The following CNTN5 variants were observed in gnomAD, a reference collection of about 807,000 sequenced individuals.
CNTN5 encodes contactin-5.
A neutral mutation model predicts 129.1 loss-of-function variants in CNTN5; 77 were observed. That is an observed-to-expected ratio of 0.60 (90% CI 0.50 to 0.72). CNTN5 has a LOEUF of 0.72. Ranked by LOEUF, CNTN5 falls within the 30% of genes least tolerant of loss-of-function variation. The pLI, the probability that CNTN5 is intolerant of heterozygous loss-of-function variation, is 0.00. For missense variants in CNTN5, 1,478 were observed against 1,328.8 expected, an observed-to-expected ratio of 1.11 and a Z score of -1.75; for synonymous variants, 509 against 465.6, an observed-to-expected ratio of 1.09 and a Z score of -1.20.
chr11:99,156,910 T>C (rs1038278263), intron 1 of CNTN5, among the ~76,000 whole-genome samples: 1 of 152,056 alleles, frequency 6.6e-6, no homozygotes, highest in African/African-American at 2.4e-5. Flanking sequence ...TTAATGGAAC[T>C]GTATACAGAG....
chr11:99,910,280 A>C (rs978512357), intron 6 of CNTN5, among the ~76,000 whole-genome samples: 39 of 151,932 alleles, frequency 2.6e-4, no homozygotes, highest in Non-Finnish European at 1.2e-4. Flanking sequence ...AAAAACCTTC[A>C]TTTTTCTATG....
intron 7 of CNTN5, among the ~76,000 whole-genome samples, chr11:99,921,393 C>A (rs1302672460): frequency 6.6e-6 from 1 of 152,148 alleles, no homozygotes; most frequent in East Asian, 1.9e-4. Context: ...TTCCCTAGGC[C>A]TGGATCATGT....
At chr11:99,353,803 C>T (rs573933822) in intron 2 of CNTN5, among the ~76,000 whole-genome samples, 4 of 152,170 alleles carry the variant, frequency 2.6e-5, no homozygotes, top group Admixed American at 2.6e-4. Context: ...GTTTGATTAC[C>T]CACATCATAG....
At chr11:99,722,852 A>G (rs1394280175) in intron 3 of CNTN5, among the ~76,000 whole-genome samples, 1 of 151,842 alleles carries the variant, frequency 6.6e-6, no homozygotes, top group African/African-American at 2.4e-5. Flanking sequence ...TCCCAACCCC[A>G]TATACATAAT....
At chr11:99,441,452 T>A (rs938467056) in intron 2 of CNTN5, among the ~76,000 whole-genome samples, 2 of 152,172 alleles carry the variant, frequency 1.3e-5, no homozygotes, top group Non-Finnish European at 2.9e-5. Context: ...CACGTTAATA[T>A]ACTAGCATCT....
chr11:99,347,548 T>C (rs7124884), intron 2 of CNTN5, among the ~76,000 whole-genome samples: 38,103 of 152,134 alleles, frequency 0.25, 5,336 homozygotes, highest in South Asian at 0.32. Context: ...TCACTTTTCT[T>C]AGGCTGTTAG....
At chr11:99,240,644 T>G (rs1052655179) in intron 1 of CNTN5, among the ~76,000 whole-genome samples, 5 of 152,124 alleles carry the variant, frequency 3.3e-5, no homozygotes, top group Admixed American at 6.5e-5. Flanking sequence ...TCCCTAAACC[T>G]TTTTAGAAGT....
intron 1 of CNTN5, among the ~76,000 whole-genome samples, chr11:99,211,975 C>CA (rs567839234): frequency 6.6e-6 from 1 of 151,992 alleles, no homozygotes; most frequent in African/African-American, 2.4e-5. Flanking sequence ...AAATGTGTTA[C>CA]AAAAAAATGC....
At chr11:99,471,013 T>A (rs760919366) in intron 2 of CNTN5, among the ~76,000 whole-genome samples, 1 of 152,094 alleles carries the variant, frequency 6.6e-6, no homozygotes, top group African/African-American at 2.4e-5. Flanking sequence ...AGGTCTGGGT[T>A]CAAAATAATA....
intron 3 of CNTN5, among the ~76,000 whole-genome samples, chr11:99,616,046 A>C (rs1950750237): frequency 6.6e-6 from 1 of 151,820 alleles, no homozygotes; most frequent in South Asian, 2.1e-4. Flanking sequence ...TAGATTTCAC[A>C]TGTTCTACAC....
At chr11:99,803,909 T>C (rs532755585) in intron 3 of CNTN5, among the ~76,000 whole-genome samples, 24 of 152,348 alleles carry the variant, frequency 1.6e-4, no homozygotes, top group Non-Finnish European at 2.8e-4. Flanking sequence ...CTTTACGAAC[T>C]CTTGCTCTTT....
intron 2 of CNTN5, among the ~76,000 whole-genome samples, chr11:99,483,129 T>C (rs1459770259): frequency 5.7e-5 from 7 of 123,142 alleles, no homozygotes; most frequent in African/African-American, 2.3e-4. Flanking sequence ...TGAGCCGAGA[T>C]CGCGCCACTG....
At position 99,844,979 on chromosome 11, in the gene CNTN5, G is replaced by C. The variant is rs745907173; in HGVS notation, c.401+4G>C. 6.2e-7 allele frequency: 1 copy of C among 1,612,958 alleles called. No homozygotes were observed. Among genetic ancestry groups the C allele is most frequent in the Non-Finnish European group, 8.5e-7 (1 of 1,179,470 alleles). On this transcript the variant is annotated splice_donor_region_variant and intron_variant, in intron 5 of 24. Coordinates refer to ENST00000524871, the MANE Select transcript of CNTN5 (RefSeq NM_014361.4). ...GCAATCCAGTTCCCAGTTACAGGTA[G>C]GAATTCACTGTTAATCATTTTTCTT...
intron 8 of CNTN5, among the ~76,000 whole-genome samples, chr11:99,971,770 A>G (rs1001502613): frequency 6.6e-6 from 1 of 151,924 alleles, no homozygotes; most frequent in Non-Finnish European, 1.5e-5. Context: ...TTTATAACTC[A>G]CTAAAGACTA....
chr11:99,903,226 A>G (rs986917564), intron 6 of CNTN5, among the ~76,000 whole-genome samples: 1 of 151,924 alleles, frequency 6.6e-6, no homozygotes, highest in Non-Finnish European at 1.5e-5. Flanking sequence ...AGAGCAAAAC[A>G]CTCAAGCACA....
intron 3 of CNTN5, among the ~76,000 whole-genome samples, chr11:99,576,465 C>T (rs940489120): frequency 1.3e-5 from 2 of 152,136 alleles, no homozygotes; most frequent in Non-Finnish European, 2.9e-5. Flanking sequence ...GGTAGCCTTT[C>T]ATTGATGTTT....
chr11:99,713,682 A>T (rs1294519365), intron 3 of CNTN5, among the ~76,000 whole-genome samples: 1 of 151,980 alleles, frequency 6.6e-6, no homozygotes, highest in Non-Finnish European at 1.5e-5. Context: ...CTTTTTTACC[A>T]GGCATATACA....
chr11:99,552,002 G>C (rs1254240498), intron 2 of CNTN5, among the ~76,000 whole-genome samples: 1 of 150,672 alleles, frequency 6.6e-6, no homozygotes, highest in Non-Finnish European at 1.5e-5. Flanking sequence ...CTGTCTCCCT[G>C]GTTCAAGTGA....
chr11:99,064,123 T>C (rs11218277), intron 1 of CNTN5, among the ~76,000 whole-genome samples: 70,271 of 151,910 alleles, frequency 0.46, 16,630 homozygotes, highest in South Asian at 0.53. Context: ...TTATTTAAAA[T>C]GAGTCATGAG....
Sources: allele counts gnomAD v4.1 joint callset (sites outside exome capture counted in the v4.1 genomes callset), GRCh38; gene constraint gnomAD v4.1.1; transcripts MANE v1.5; gene names NCBI Gene and HGNC (gene_info 2026-07-23, HGNC 2026-07-21).